DENND2B: variants seen among roughly 807,000 people sequenced by gnomAD.
DENND2B encodes DENN domain-containing protein 2B.
Under a neutral mutation model 116.0 loss-of-function variants are expected in DENND2B, and 32 were observed. The ratio of observed to expected loss-of-function variants is 0.28; its 90% confidence interval spans 0.21 to 0.37. The LOEUF (loss-of-function observed/expected upper bound fraction) is 0.37, where lower values mean the gene tolerates loss of function less well. Ranked by LOEUF, DENND2B falls within the 10% of genes least tolerant of loss-of-function variation. The pLI is 1.00. For synonymous variants in DENND2B, 588 were observed against 583.9 expected (o/e 1.01, Z -0.10); for missense variants, 1,276 against 1,477.7 (o/e 0.86, Z 2.24).
At chr11:8,815,502 G>T (rs2061538511), upstream of DENND2B, among the ~76,000 whole-genome samples, 1 of 152,012 alleles carries the variant, frequency 6.6e-6, no homozygotes, top group African/African-American at 2.4e-5. Flanking sequence ...GCACTGCCTG[G>T]TTCTTTGAAC....
chr11:8,828,130 C>G (rs1055518232), intron 4 of DENND2B, among the ~76,000 whole-genome samples: 1 of 152,192 alleles, frequency 6.6e-6, no homozygotes, highest in African/African-American at 2.4e-5. Context: ...ACCTTGAGAA[C>G]CTCTTGAGTT....
intron 4 of DENND2B, among the ~76,000 whole-genome samples, chr11:8,826,912 C>A (rs533176797): frequency 6.6e-6 from 1 of 151,938 alleles, no homozygotes; most frequent in Non-Finnish European, 1.5e-5. Context: ...TTAGACCCCA[C>A]GATTCAAGGA....
chr11:8,910,214 G>A (rs2064299404), intron 1 of DENND2B, among the ~76,000 whole-genome samples: 1 of 151,532 alleles, frequency 6.6e-6, no homozygotes, highest in African/African-American at 2.4e-5. Context: ...CTGCCCCGGG[G>A]GCCAGGAACA....
intron 4 of DENND2B, among the ~76,000 whole-genome samples, chr11:8,834,604 C>T (rs1342102558): frequency 2.0e-5 from 3 of 152,238 alleles, no homozygotes; most frequent in Admixed American, 6.5e-5. Context: ...CTAGCCGAGA[C>T]TGAAGAAAAC....
At chr11:8,806,595 C>T (rs1431358642) in intron 1 of DENND2B, among the ~76,000 whole-genome samples, 1 of 149,266 alleles carries the variant, frequency 6.7e-6, no homozygotes, top group African/African-American at 2.5e-5. Context: ...ACACCCTCCT[C>T]TCCCTTCAAA....
intron 2 of DENND2B, among the ~76,000 whole-genome samples, chr11:8,863,241 C>T (rs1051448186): frequency 6.7e-6 from 1 of 149,954 alleles, no homozygotes; most frequent in Admixed American, 6.8e-5. Context: ...CGCCCCATGA[C>T]TCTTAACGCC....
chr11:8,701,374 T>G (rs1483713687), intron 14 of DENND2B, among the ~76,000 whole-genome samples: 2 of 114,696 alleles, frequency 1.7e-5, no homozygotes, highest in Non-Finnish European at 3.4e-5. Flanking sequence ...GCTACATGAA[T>G]GACATGCCTG....
chr11:8,695,846 C>T (rs1019169754), intron 18 of DENND2B: 47 of 455,262 alleles, frequency 1.0e-4, no homozygotes, highest in Non-Finnish European at 1.6e-4. Context: ...TCTCTAGCTT[C>T]CTTCAGACAA....
At position 8,730,006 on chromosome 11, in the gene DENND2B, C is replaced by T; in HGVS notation, c.1284G>A (p.Pro428=). 3 of 1,613,986 alleles carry T rather than the reference C, an allele frequency of 1.9e-6. No individual in the cohort carries two copies. Among genetic ancestry groups the T allele is most frequent in the East Asian group, 2.2e-5 (1 of 44,880 alleles). The change falls in exon 3 of 20, where the codon CCG becomes CCA. Residue 428 remains proline (P), a synonymous_variant. Coordinates refer to ENST00000313726, the MANE Select transcript of DENND2B (RefSeq NM_213618.2). The surrounding 1 kb of genome is among the most constrained non-coding windows in gnomAD (Gnocchi z 4.1). ...CCTTCTTGGGTCTCCGGGTGACTGG[C>T]GGGGCTGGGGTGGAGGGCAAGGGAG... ...APPPLPSTPA[P]PVTRRPKKDM... is the part of the protein sequence containing the mutation.
chr11:8,867,785 G>A (rs927384840), intron 2 of DENND2B, among the ~76,000 whole-genome samples: 1 of 151,894 alleles, frequency 6.6e-6, no homozygotes, highest in African/African-American at 2.4e-5. Context: ...GTTTCACCAT[G>A]TTGCCCAGGC....
intron 3 of DENND2B, among the ~76,000 whole-genome samples, chr11:8,848,970 T>C (rs2062904663): frequency 6.6e-6 from 1 of 152,004 alleles, no homozygotes; most frequent in African/African-American, 2.4e-5. Flanking sequence ...GGTGGCTAAA[T>C]CACAGGTACT....
At chr11:8,891,352 C>T (rs144632197) in intron 1 of DENND2B, among the ~76,000 whole-genome samples, 3,152 of 152,282 alleles carry the variant, frequency 0.021, 44 homozygotes, top group Middle Eastern at 0.034. Flanking sequence ...AAATAACCAG[C>T]TAACATCATA....
intron 1 of DENND2B, among the ~76,000 whole-genome samples, chr11:8,780,821 G>C (rs530983850): frequency 1.2e-4 from 18 of 152,302 alleles, no homozygotes; most frequent in Non-Finnish European, 2.4e-4. Context: ...ATCACAGGAG[G>C]GACAAGGGAG....
chr11:8,899,708 T>A (rs2064141552), intron 1 of DENND2B, among the ~76,000 whole-genome samples: 1 of 152,190 alleles, frequency 6.6e-6, no homozygotes, highest in Non-Finnish European at 1.5e-5. Context: ...TGAAGGAAGT[T>A]TTTCAGGCTG....
intron 1 of DENND2B, among the ~76,000 whole-genome samples, chr11:8,790,303 T>C (rs2059271311): frequency 1.3e-5 from 2 of 152,284 alleles, no homozygotes; most frequent in South Asian, 4.1e-4. Flanking sequence ...ACATCTAGGG[T>C]GGCATAAACT....
At position 8,715,842 on chromosome 11, in the gene DENND2B, G is replaced by A. The variant is rs76303325; in HGVS notation, c.1630-24C>T. The A allele has an allele frequency of 1.7e-3, 2,686 of 1,572,428 alleles. 44 individuals are homozygous for A. In the African/African-American group the frequency reaches 0.032, roughly 19 times the overall value. Reference sequence around the variant, plus strand: ...AGCTGGCGTGGGGGAGAGGACGTGCGAGAGGGGCTTGCCACAGAGGCCTTG... The same window carrying A: ...AGCTGGCGTGGGGGAGAGGACGTGCAAGAGGGGCTTGCCACAGAGGCCTTG... On this transcript the variant is annotated intron_variant, in intron 5 of 19. Coordinates refer to ENST00000313726, the MANE Select transcript of DENND2B (RefSeq NM_213618.2).
intron 2 of DENND2B, among the ~76,000 whole-genome samples, chr11:8,749,376 G>A (rs1053525793): frequency 6.6e-6 from 1 of 152,248 alleles, no homozygotes; most frequent in African/African-American, 2.4e-5. Context: ...TGGGCAAGGG[G>A]TGTTCCTATC....
chr11:8,841,952 C>A (rs2062638229), intron 3 of DENND2B, among the ~76,000 whole-genome samples: 1 of 152,210 alleles, frequency 6.6e-6, no homozygotes, highest in Non-Finnish European at 1.5e-5. Flanking sequence ...CCAGTTCAAT[C>A]CAGAGTATCC....
At chr11:8,905,247 T>C (rs539780449) in intron 1 of DENND2B, among the ~76,000 whole-genome samples, 18 of 152,306 alleles carry the variant, frequency 1.2e-4, no homozygotes, top group Non-Finnish European at 2.4e-4. Context: ...CTTACATTTA[T>C]GGTGAATTGA....
Sources: gnomAD v4.1 joint callset for allele counts (sites outside exome capture counted in the v4.1 genomes callset) on GRCh38, gnomAD v4.1.1 for gene constraint, Gnocchi (gnomAD v3.1) non-coding constraint, MANE v1.5 for transcripts, NCBI Gene and HGNC (gene_info 2026-07-23, HGNC 2026-07-21) for gene names.